LRP12: variants seen among roughly 807,000 people sequenced by gnomAD.
The protein encoded by LRP12 is LDL receptor related protein 12.
A neutral mutation model predicts 66.0 loss-of-function variants in LRP12; 14 were observed. The observed-to-expected ratio is 0.21, with a 90% CI of 0.14 to 0.33. The LOEUF (loss-of-function observed/expected upper bound fraction) is 0.33. LRP12 is among the 10% of genes least tolerant of loss of function. The pLI, the probability that LRP12 is intolerant of heterozygous loss-of-function variation, is 1.00. For synonymous variants in LRP12, 357 were observed against 359.1 expected (o/e 0.99, Z 0.07); for missense variants, 889 against 1,053.4 (o/e 0.84, Z 2.16).
chr8:104,547,132 T>C (rs1475595239), intron 1 of LRP12, among the ~76,000 whole-genome samples: 4 of 145,142 alleles, frequency 2.8e-5, no homozygotes, highest in Non-Finnish European at 4.5e-5. Flanking sequence ...TCATACTTTG[T>C]ATATAATATA....
chr8:104,577,905 T>G (rs965105616), intron 1 of LRP12, among the ~76,000 whole-genome samples: 1 of 151,608 alleles, frequency 6.6e-6, no homozygotes, highest in African/African-American at 2.4e-5. Flanking sequence ...AAGGCAGTAT[T>G]AAAAGGGAAA....
intron 2 of LRP12, among the ~76,000 whole-genome samples, chr8:104,515,763 T>C (rs1811064549): frequency 6.6e-6 from 1 of 152,190 alleles, no homozygotes; most frequent in African/African-American, 2.4e-5. Context: ...ACTGTGGTAG[T>C]ATTTGGATTG....
intron 2 of LRP12, among the ~76,000 whole-genome samples, chr8:104,519,986 A>C (rs1181375537): frequency 1.3e-5 from 2 of 151,984 alleles, no homozygotes; most frequent in Non-Finnish European, 2.9e-5. Flanking sequence ...TCAAACTATA[A>C]TCAAGGGTTA....
In LRP12 at chr8:104,497,576, G is replaced by C. The variant is rs749908729; in HGVS notation, c.976C>G (p.His326Asp). ...KIYDGLEENP[H>D]KLLRVLTAFD... ...GCTGTCAACACACGCAAAAGCTTGTGTGGATTCTCCTCTAATCCATCATAT... is the reference window on the plus strand; with the variant it reads ...GCTGTCAACACACGCAAAAGCTTGTCTGGATTCTCCTCTAATCCATCATAT... Residue 326 changes from histidine to aspartate, a missense_variant, in exon 5 of 7, where the codon CAC becomes GAC. Around this residue, in one of 3 missense-constraint regions of LRP12, gnomAD observed 800 missense variants for 964.5 expected, o/e 0.83. Coordinates refer to ENST00000276654, the MANE Select transcript of LRP12 (RefSeq NM_013437.5). This position sits in a 1 kb window ranked among gnomAD's most constrained non-coding sequence, Gnocchi z 4.3. 1 of 1,613,698 alleles carries C rather than the reference G, an allele frequency of 6.2e-7. No individual in the cohort carries two copies. Among genetic ancestry groups the C allele is most frequent in the Non-Finnish European group, 8.5e-7 (1 of 1,179,834 alleles).
At chr8:104,559,357 G>A (rs770352455) in intron 1 of LRP12, among the ~76,000 whole-genome samples, 2 of 152,128 alleles carry the variant, frequency 1.3e-5, no homozygotes, top group Non-Finnish European at 2.9e-5. Context: ...CTCAGGAATG[G>A]AGAAATCAAA....
At chr8:104,527,288 G>A (rs13270103) in intron 2 of LRP12, among the ~76,000 whole-genome samples, 1 of 130,600 alleles carries the variant, frequency 7.7e-6, no homozygotes, top group South Asian at 2.3e-4. Flanking sequence ...TCCTCAGGGA[G>A]CTAGAACTAG....
intron 1 of LRP12, among the ~76,000 whole-genome samples, chr8:104,544,315 T>C (rs1811523633): frequency 6.6e-6 from 1 of 152,096 alleles, no homozygotes; most frequent in Non-Finnish European, 1.5e-5. Flanking sequence ...CTACATAACA[T>C]AAAAGTGCAA....
chr8:104,582,349 C>A (rs1812265148), intron 1 of LRP12, among the ~76,000 whole-genome samples: 1 of 152,006 alleles, frequency 6.6e-6, no homozygotes, highest in Non-Finnish European at 1.5e-5. Flanking sequence ...TTGGGACCTA[C>A]TAAAGTTATA....
intron 2 of LRP12, among the ~76,000 whole-genome samples, chr8:104,526,515 A>C (rs1296285258): frequency 6.7e-6 from 1 of 149,376 alleles, no homozygotes; most frequent in Admixed American, 6.6e-5. Flanking sequence ...CAGAGCCCTC[A>C]GAAATAATGC....
intron 1 of LRP12, among the ~76,000 whole-genome samples, chr8:104,553,168 A>G (rs1416444603): frequency 6.6e-6 from 1 of 152,220 alleles, no homozygotes; most frequent in African/African-American, 2.4e-5. Context: ...CACAGGGAGA[A>G]GGAAACTTCC....
At chr8:104,495,294 C>T (rs1810706729) in intron 5 of LRP12, 85 bp from the exon 6 acceptor site, 1 of 1,318,764 alleles carries the variant, frequency 7.6e-7, no homozygotes, top group Non-Finnish European at 1.1e-6. Context: ...TTAAAACAAT[C>T]TGAGTCTTGG....
At chr8:104,571,667 C>T (rs1257892747) in intron 1 of LRP12, among the ~76,000 whole-genome samples, 3 of 152,200 alleles carry the variant, frequency 2.0e-5, no homozygotes, top group Non-Finnish European at 2.9e-5. Flanking sequence ...TTATAAATGA[C>T]CTGGTCTCAG....
intron 1 of LRP12, among the ~76,000 whole-genome samples, chr8:104,547,003 T>G (rs1000468076): frequency 1.4e-5 from 2 of 145,004 alleles, no homozygotes; most frequent in African/African-American, 5.1e-5. Context: ...AATATATAAT[T>G]ATATATTCTG....
chr8:104,567,369 C>T (rs1812021698), intron 1 of LRP12, among the ~76,000 whole-genome samples: 1 of 152,098 alleles, frequency 6.6e-6, no homozygotes, highest in South Asian at 2.1e-4. Flanking sequence ...ATAAACACAT[C>T]AGATCTCAGG....
At chr8:104,515,581 T>C (rs1811063201) in intron 2 of LRP12, among the ~76,000 whole-genome samples, 1 of 152,190 alleles carries the variant, frequency 6.6e-6, no homozygotes, top group Non-Finnish European at 1.5e-5. Flanking sequence ...ATCACACCAC[T>C]ATGAAAACAA....
intron 2 of LRP12, among the ~76,000 whole-genome samples, chr8:104,523,745 T>C (rs1811184796): frequency 6.6e-6 from 1 of 152,118 alleles, no homozygotes; most frequent in Non-Finnish European, 1.5e-5. Flanking sequence ...AGGAAAGTCA[T>C]GACATTACAA....
chr8:104,564,707 G>C (rs1470425123), intron 1 of LRP12, among the ~76,000 whole-genome samples: 2 of 152,080 alleles, frequency 1.3e-5, no homozygotes, highest in Non-Finnish European at 2.9e-5. Context: ...GAGGCGGGCA[G>C]ATCACTTGAG....
Position 104,491,089 on chromosome 8 carries a change from C to A in LRP12, c.2164G>T (p.Ala722Ser). ...TSVEPPSVSP[A>S]RHQLTSALSR... The stretch of plus-strand genomic sequence containing the variant: ...AGTGCACTTGTAAGCTGGTGACGTG[C>A]TGGACTCACACTTGGGGGTTCCACA... The change falls in exon 7 of 7, where the codon GCA becomes TCA. Residue 722 changes from alanine to serine, a missense_variant. Physicochemically the swap from Ala to Ser is moderately conservative, Grantham distance 99 (BLOSUM62 1). Around this residue, in one of 3 missense-constraint regions of LRP12, gnomAD observed 800 missense variants for 964.5 expected, o/e 0.83. Coordinates refer to ENST00000276654, the MANE Select transcript of LRP12 (RefSeq NM_013437.5). 6.2e-7 allele frequency: 1 copy of A among 1,614,122 alleles called. No homozygotes were observed.
At chr8:104,527,024 T>C (rs1435105138) in intron 2 of LRP12, among the ~76,000 whole-genome samples, 2 of 150,304 alleles carry the variant, frequency 1.3e-5, no homozygotes, top group Admixed American at 6.6e-5. Context: ...GGGCAAAGGA[T>C]ATGAACAGAC....
Sources: gnomAD v4.1 joint callset for allele counts (sites outside exome capture counted in the v4.1 genomes callset) on GRCh38, gnomAD v4.1.1 for gene constraint, gnomAD v4.1.1 regional missense constraint, Gnocchi (gnomAD v3.1) non-coding constraint, MANE v1.5 for transcripts, NCBI Gene and HGNC (gene_info 2026-07-23, HGNC 2026-07-21) for gene names.